Variants in MAGI1 observed in about 807,000 individuals in gnomAD.
The protein encoded by MAGI1 is membrane-associated guanylate kinase, WW and PDZ domain-containing protein 1.
MAGI1 carries 58 observed loss-of-function variants against 139.9 expected under a neutral mutation model. The observed-to-expected ratio is 0.41, with a 90% CI of 0.34 to 0.52. The LOEUF (loss-of-function observed/expected upper bound fraction) is 0.52, where lower values mean the gene tolerates loss of function less well. Among genes scored for constraint, MAGI1 ranks in the 20% least tolerant of loss-of-function variants. The pLI is 0.12. For missense variants in MAGI1, 1,874 were observed against 1,901.6 expected (o/e 0.99, Z 0.27); for synonymous variants, 812 against 737.9 (o/e 1.10, Z -1.63).
At chr3:65,933,349 G>C (rs937479912) in intron 1 of MAGI1, among the ~76,000 whole-genome samples, 3 of 152,146 alleles carry the variant, frequency 2.0e-5, no homozygotes, top group South Asian at 2.1e-4. Context: ...TGGGGCTGAG[G>C]GATCTGCTTC....
At chr3:65,854,109 A>G (rs1004812829) in intron 1 of MAGI1, among the ~76,000 whole-genome samples, 8 of 151,332 alleles carry the variant, frequency 5.3e-5, no homozygotes, top group African/African-American at 1.9e-4. Flanking sequence ...CTCTGTCTCA[A>G]AAAAAAAAGT....
chr3:65,832,317 A>T (rs1316646622), intron 1 of MAGI1, among the ~76,000 whole-genome samples: 2 of 152,166 alleles, frequency 1.3e-5, no homozygotes, highest in Admixed American at 6.5e-5. Context: ...ATGCCAAGGG[A>T]GGGGCTAAGA....
At chr3:65,990,294 G>A (rs2066103986) in intron 1 of MAGI1, among the ~76,000 whole-genome samples, 1 of 152,088 alleles carries the variant, frequency 6.6e-6, no homozygotes, top group Non-Finnish European at 1.5e-5. Context: ...TTCCACCACT[G>A]GCAAAAATGG....
At chr3:65,492,867 A>G (rs1029571129) in intron 3 of MAGI1, among the ~76,000 whole-genome samples, 1 of 152,248 alleles carries the variant, frequency 6.6e-6, no homozygotes, top group South Asian at 2.1e-4. Flanking sequence ...TCACGAGGTC[A>G]GGAGATCGAG....
At chr3:65,619,708 C>A (rs1252065722) in intron 2 of MAGI1, 2 of 277,594 alleles carry the variant, frequency 7.2e-6, no homozygotes, top group Non-Finnish European at 1.1e-5. Context: ...ACAAATGTGG[C>A]CAGAGTAACA....
At chr3:65,600,846 C>G (rs949808944) in intron 2 of MAGI1, among the ~76,000 whole-genome samples, 1 of 152,174 alleles carries the variant, frequency 6.6e-6, no homozygotes, top group Non-Finnish European at 1.5e-5. Context: ...TGACCACTTG[C>G]GAGGCAGTAG....
intron 1 of MAGI1, among the ~76,000 whole-genome samples, chr3:65,905,093 A>C (rs558738778): frequency 6.6e-6 from 1 of 152,322 alleles, no homozygotes; most frequent in Non-Finnish European, 1.5e-5. Context: ...ACTAATACTG[A>C]TGCCTATGCT....
chr3:65,704,949 C>G (rs537129327), intron 1 of MAGI1, among the ~76,000 whole-genome samples: 1 of 152,036 alleles, frequency 6.6e-6, no homozygotes, highest in Non-Finnish European at 1.5e-5. Flanking sequence ...TGCACAGACT[C>G]CTCCGCGGTT....
At chr3:65,625,451 T>G (rs1338563965) in intron 1 of MAGI1, among the ~76,000 whole-genome samples, 1 of 152,196 alleles carries the variant, frequency 6.6e-6, no homozygotes, top group Non-Finnish European at 1.5e-5. Flanking sequence ...TTCTGAATCC[T>G]GGCTCAACTG....
At chr3:65,375,644 TA>T in intron 18 of MAGI1, 100 bp downstream of exon 18, 1 of 1,015,120 alleles carries the variant, frequency 9.9e-7, no homozygotes, top group Non-Finnish European at 1.5e-6. Context: ...ACTATTCAGT[TA>T]CACGAACACT....
At chr3:65,889,536 C>T (rs2060658119) in intron 1 of MAGI1, among the ~76,000 whole-genome samples, 1 of 152,128 alleles carries the variant, frequency 6.6e-6, no homozygotes, top group Non-Finnish European at 1.5e-5. Flanking sequence ...AAGCTCATGC[C>T]AACCAACTTT....
chr3:65,404,523 T>C (rs1422158528), intron 12 of MAGI1, among the ~76,000 whole-genome samples: 3 of 152,162 alleles, frequency 2.0e-5, no homozygotes, highest in Non-Finnish European at 4.4e-5. Context: ...CGACCACAAA[T>C]TAATATTTAA....
intron 2 of MAGI1, among the ~76,000 whole-genome samples, chr3:65,557,107 G>A (rs2080122203): frequency 6.6e-6 from 1 of 152,194 alleles, no homozygotes; most frequent in Non-Finnish European, 1.5e-5. Context: ...GGCCATTAAT[G>A]AGCCCCATTT....
chr3:65,427,554 G>A (rs1341225416), intron 12 of MAGI1, among the ~76,000 whole-genome samples: 2 of 152,204 alleles, frequency 1.3e-5, no homozygotes, highest in African/African-American at 4.8e-5. Context: ...CAAATGAGCA[G>A]TGGCTGAATC....
At chr3:65,634,913 C>T (rs2084521402) in intron 1 of MAGI1, among the ~76,000 whole-genome samples, 1 of 151,968 alleles carries the variant, frequency 6.6e-6, no homozygotes, top group South Asian at 2.1e-4. Flanking sequence ...GATATCTGTA[C>T]CCTAAACTCA....
chr3:65,790,276 G>A (rs914553241), intron 1 of MAGI1, among the ~76,000 whole-genome samples: 2 of 152,158 alleles, frequency 1.3e-5, no homozygotes, highest in African/African-American at 4.8e-5. Flanking sequence ...AAGATAAAAC[G>A]ATTTGTTTGA....
At chr3:65,492,232 AAAT>A (rs1032671819) in intron 3 of MAGI1, among the ~76,000 whole-genome samples, 1 of 152,230 alleles carries the variant, frequency 6.6e-6, no homozygotes, top group Non-Finnish European at 1.5e-5. Flanking sequence ...CTTCTGCCTC[AAAT>A]AATAATAACA....
intron 1 of MAGI1, among the ~76,000 whole-genome samples, chr3:65,920,161 C>T (rs1392392082): frequency 1.3e-5 from 2 of 152,158 alleles, no homozygotes; most frequent in Admixed American, 1.3e-4. Flanking sequence ...CTTTAGGGCC[C>T]ACACAGAATC....
chr3:65,896,740 CATACAATGAA>C (rs1373711625), intron 1 of MAGI1, among the ~76,000 whole-genome samples: 2 of 152,122 alleles, frequency 1.3e-5, no homozygotes, highest in African/African-American at 4.8e-5. Flanking sequence ...AGTATACATC[CATACAATGAA>C]ATACTAAGTA....
Sources: gnomAD v4.1 joint callset for allele counts (sites outside exome capture counted in the v4.1 genomes callset) on GRCh38, gnomAD v4.1.1 for gene constraint, MANE v1.5 for transcripts, NCBI Gene and HGNC (gene_info 2026-07-23, HGNC 2026-07-21) for gene names.